SLC22A3: variants seen among roughly 807,000 people sequenced by gnomAD.
The protein encoded by SLC22A3 is EMT organic cation transporter 3.
Under a neutral mutation model 59.1 loss-of-function variants are expected in SLC22A3, and 51 were observed. The observed-to-expected ratio is 0.86, with a 90% CI of 0.69 to 1.09. The LOEUF (loss-of-function observed/expected upper bound fraction) is 1.09, where lower values mean the gene tolerates loss of function less well. Among genes scored for constraint, SLC22A3 ranks in the 50% least tolerant of loss-of-function variants. SLC22A3 has a pLI of 0.00. For missense variants in SLC22A3, 711 were observed against 726.3 expected (o/e 0.98, Z 0.24); for synonymous variants, 325 against 292.0 (o/e 1.11, Z -1.15).
chr6:160,450,524 G>C (rs1412620334), intron 10 of SLC22A3, among the ~76,000 whole-genome samples: 1 of 152,190 alleles, frequency 6.6e-6, no homozygotes, highest in Non-Finnish European at 1.5e-5. Flanking sequence ...TAGTGGTCCT[G>C]AGGGACATAC....
chr6:160,356,550 G>A (rs1374071789), intron 1 of SLC22A3, among the ~76,000 whole-genome samples: 3 of 152,200 alleles, frequency 2.0e-5, no homozygotes, highest in East Asian at 1.9e-4. Context: ...TGCAAGGCCC[G>A]GTGCAGGGAG....
intron 1 of SLC22A3, among the ~76,000 whole-genome samples, chr6:160,351,872 C>A (rs1432766655): frequency 6.6e-6 from 1 of 152,214 alleles, no homozygotes; most frequent in Non-Finnish European, 1.5e-5. Context: ...AAACTGGATT[C>A]AAATCCGGGG....
chr6:160,371,932 G>A (rs755704509), intron 1 of SLC22A3, among the ~76,000 whole-genome samples: 19 of 152,144 alleles, frequency 1.2e-4, no homozygotes, highest in Non-Finnish European at 2.1e-4. Context: ...GACCAGTGAT[G>A]ACAAGCTTTT....
chr6:160,358,614 C>T (rs948890929), intron 1 of SLC22A3, among the ~76,000 whole-genome samples: 13 of 152,182 alleles, frequency 8.5e-5, no homozygotes, highest in African/African-American at 3.1e-4. Flanking sequence ...CCCGTGGATT[C>T]AGTTGTGATA....
chr6:160,358,459 A>T (rs916057951), intron 1 of SLC22A3, among the ~76,000 whole-genome samples: 1 of 152,220 alleles, frequency 6.6e-6, no homozygotes, highest in African/African-American at 2.4e-5. Flanking sequence ...AGCGTGCTTT[A>T]GGCAGGGCAC....
chr6:160,418,870 A>C (rs79648238), intron 5 of SLC22A3, among the ~76,000 whole-genome samples: 6 of 152,222 alleles, frequency 3.9e-5, no homozygotes, highest in African/African-American at 1.4e-4. Flanking sequence ...ATACTGGCGC[A>C]ATAAACCCAT....
chr6:160,447,928 T>C (rs1447477543), intron 10 of SLC22A3, 110 bp downstream of exon 10: 1 of 885,510 alleles, frequency 1.1e-6, no homozygotes, highest in Non-Finnish European at 1.9e-6. Context: ...TAAGAATAAA[T>C]CCTCATCTCA....
intron 1 of SLC22A3, among the ~76,000 whole-genome samples, chr6:160,356,373 A>G (rs1178205743): frequency 1.3e-5 from 2 of 152,200 alleles, no homozygotes; most frequent in African/African-American, 4.8e-5. Flanking sequence ...AGGGGGTGTG[A>G]CCTGGAACAT....
chr6:160,383,492 C>T (rs1197893623), intron 1 of SLC22A3, among the ~76,000 whole-genome samples: 1 of 152,180 alleles, frequency 6.6e-6, no homozygotes, highest in African/African-American at 2.4e-5. Flanking sequence ...TCAATGAAAA[C>T]TCCTTCCCCA....
At chr6:160,371,091 C>A (rs531300522) in intron 1 of SLC22A3, among the ~76,000 whole-genome samples, 1 of 152,184 alleles carries the variant, frequency 6.6e-6, no homozygotes, top group African/African-American at 2.4e-5. Context: ...TGGGGCTCAC[C>A]TGGAAGCTTC....
intron 3 of SLC22A3, 103 bp from the exon 4 acceptor site, chr6:160,408,650 A>T: frequency 8.9e-7 from 1 of 1,121,028 alleles, no homozygotes; most frequent in Non-Finnish European, 1.3e-6. Context: ...AGCGTGTTCT[A>T]GCAATGCTGA....
At chr6:160,361,630 A>AT (rs1342028503) in intron 1 of SLC22A3, among the ~76,000 whole-genome samples, 8 of 151,950 alleles carry the variant, frequency 5.3e-5, no homozygotes, top group East Asian at 1.9e-4. Context: ...ATTTTTGTAG[A>AT]TTTTTTTTAG....
intron 5 of SLC22A3, among the ~76,000 whole-genome samples, chr6:160,418,401 G>C (rs978683682): frequency 1.3e-3 from 201 of 152,250 alleles, no homozygotes; most frequent in African/African-American, 4.4e-3. Context: ...TACTTTTGAG[G>C]CTTTTGGACT....
chr6:160,425,398 G>T (rs1787912822), intron 5 of SLC22A3, among the ~76,000 whole-genome samples: 1 of 152,172 alleles, frequency 6.6e-6, no homozygotes, highest in Admixed American at 6.5e-5. Context: ...ACTGGGTGCT[G>T]TATTCAAGGC....
In SLC22A3 at chr6:160,348,518, C is replaced by T; in HGVS notation, c.99C>T (p.Ala33=). The T allele has an allele frequency of 6.4e-7, 1 of 1,567,486 alleles. No individual in the cohort carries two copies. Among genetic ancestry groups the T allele is most frequent in the Non-Finnish European group, 8.6e-7 (1 of 1,164,458 alleles). Residue 33 remains alanine, a synonymous_variant, in exon 1 of 11, where the codon GCC becomes GCT. Transcript: ENST00000275300. The stretch of plus-strand genomic sequence containing the variant: ...TGTGCCTGACGGGCGTCACCTTCGC[C>T]TTCCTCTTCGTCGGCGTGGTCTTCC... ...LLLCLTGVTF[A]FLFVGVVFLG... is the part of the protein sequence containing the mutation.
Position 160,443,655 on chromosome 6 carries a change from G to T in SLC22A3, c.1423G>T (p.Gly475Cys), listed in dbSNP as rs9365165. Residue 475 changes from glycine (G) to cysteine (C), a missense_variant, in exon 9 of 11, where the codon GGT (glycine) becomes TGT (cysteine). By Grantham distance (159) the Gly-to-Cys change is radical. Transcript: ENST00000275300. ...LRNFGVSLCS[G>C]LCDFGGIIAP... ...AAATTTCGGAGTTTCGCTCTGTTCA[G>T]GTCTGTGTGATTTTGGGGGAATCAT... 8 of 1,613,936 alleles carry T rather than the reference G, an allele frequency of 5.0e-6. No individual in the cohort carries two copies. Among genetic ancestry groups the T allele is most frequent in the Non-Finnish European group, 5.9e-6 (7 of 1,179,898 alleles).
At chr6:160,444,687 G>T (rs1436520116) in intron 9 of SLC22A3, among the ~76,000 whole-genome samples, 1 of 152,242 alleles carries the variant, frequency 6.6e-6, no homozygotes, top group South Asian at 2.1e-4. Context: ...CTCTTCTGCA[G>T]TAAAGGATAC....
intron 5 of SLC22A3, among the ~76,000 whole-genome samples, chr6:160,418,454 A>G (rs1430506398): frequency 1.3e-5 from 2 of 152,174 alleles, no homozygotes; most frequent in Admixed American, 6.5e-5. Flanking sequence ...CAGCTTGCAG[A>G]CAACCTATCG....
At chr6:160,390,127 G>A (rs1426198025) in intron 1 of SLC22A3, among the ~76,000 whole-genome samples, 1 of 152,194 alleles carries the variant, frequency 6.6e-6, no homozygotes, top group Non-Finnish European at 1.5e-5. Context: ...GGGGAGGCAT[G>A]AATTTAAAAT....
Sources: gnomAD v4.1 joint callset for allele counts (sites outside exome capture counted in the v4.1 genomes callset) on GRCh38, gnomAD v4.1.1 for gene constraint, MANE v1.5 for transcripts, NCBI Gene and HGNC (gene_info 2026-07-23, HGNC 2026-07-21) for gene names.